Variants in CDH13 observed in about 807,000 individuals in gnomAD.
The protein encoded by CDH13 is cadherin-13.
Under a neutral mutation model 63.8 loss-of-function variants are expected in CDH13, and 24 were observed. The observed-to-expected ratio is 0.38, with a 90% CI of 0.27 to 0.53. The LOEUF (loss-of-function observed/expected upper bound fraction) is 0.53. Ranked by LOEUF, CDH13 falls within the 20% of genes least tolerant of loss-of-function variation. CDH13 has a pLI of 0.85. For synonymous variants in CDH13, 503 were observed against 355.3 expected (o/e 1.42, Z -4.67); for missense variants, 1,049 against 903.1 (o/e 1.16, Z -2.07).
At chr16:83,028,119 G>C (rs1386892101) in intron 2 of CDH13, among the ~76,000 whole-genome samples, 2 of 152,110 alleles carry the variant, frequency 1.3e-5, no homozygotes, top group Non-Finnish European at 2.9e-5. Context: ...GATCCTGTTC[G>C]AGGGTTAAGT....
intron 2 of CDH13, among the ~76,000 whole-genome samples, chr16:83,024,933 GC>G (rs1915662243): frequency 6.6e-6 from 1 of 152,154 alleles, no homozygotes; most frequent in South Asian, 2.1e-4. Context: ...AGAATCATCA[GC>G]CCCACCCCTT....
At chr16:82,794,494 C>T (rs2036484208) in intron 1 of CDH13, among the ~76,000 whole-genome samples, 1 of 151,266 alleles carries the variant, frequency 6.6e-6, no homozygotes, top group Non-Finnish European at 1.5e-5. Flanking sequence ...CCTTCAGAGA[C>T]CAACGGCTAG....
At chr16:83,500,423 C>T (rs376392901) in intron 7 of CDH13, among the ~76,000 whole-genome samples, 1 of 15,134 alleles carries the variant, frequency 6.6e-5, no homozygotes, top group Non-Finnish European at 1.3e-4. Context: ...CTTCTCCTCC[C>T]CCTCCTCCTC....
intron 1 of CDH13, among the ~76,000 whole-genome samples, chr16:82,660,113 G>A (rs757724273): frequency 5.3e-5 from 8 of 152,176 alleles, no homozygotes; most frequent in Non-Finnish European, 8.8e-5. Flanking sequence ...CATTTATTCT[G>A]TGGTTTGGCT....
At chr16:82,944,669 C>A (rs1056720824) in intron 2 of CDH13, among the ~76,000 whole-genome samples, 2 of 152,130 alleles carry the variant, frequency 1.3e-5, no homozygotes, top group Non-Finnish European at 2.9e-5. Context: ...TCAGCAGTAC[C>A]ACTGTTGAGA....
chr16:82,797,245 G>A lies in CDH13; in HGVS notation c.46-61117G>A, dbSNP rs1015227736. On this transcript the variant is annotated intron_variant, in intron 1 of 13. Transcript: ENST00000567109. ...TTGCTGTACACTGTGTGTTACCAGTGTGATTTGCTATAACCCAGCTCTTGG... is the reference window on the plus strand; with the variant it reads ...TTGCTGTACACTGTGTGTTACCAGTATGATTTGCTATAACCCAGCTCTTGG... Among the ~76,000 whole-genome samples, 7 of 152,164 alleles carry A rather than the reference G, an allele frequency of 4.6e-5. No individual in the cohort carries two copies. The East Asian group carries it at 1.2e-3, about 25-fold the overall frequency.
intron 2 of CDH13, among the ~76,000 whole-genome samples, chr16:82,919,364 C>G (rs2042087362): frequency 6.6e-6 from 1 of 152,132 alleles, no homozygotes; most frequent in African/African-American, 2.4e-5. Flanking sequence ...CTCCTCCCAC[C>G]CTCCACCCTC....
At chr16:83,157,805 C>G (rs995494804) in intron 4 of CDH13, among the ~76,000 whole-genome samples, 11 of 149,832 alleles carry the variant, frequency 7.3e-5, no homozygotes, top group Admixed American at 7.3e-4. Context: ...CCCAGCAACT[C>G]GGGAGGCAGA....
chr16:82,892,639 G>A (rs2216739), intron 2 of CDH13, among the ~76,000 whole-genome samples: 118,324 of 152,172 alleles, frequency 0.78, 46,168 homozygotes, highest in East Asian at 0.87. Context: ...ATGGATCTAA[G>A]AAGTATAACA....
At chr16:82,962,682 AC>A (rs1907201664) in intron 2 of CDH13, among the ~76,000 whole-genome samples, 1 of 152,200 alleles carries the variant, frequency 6.6e-6, no homozygotes, top group African/African-American at 2.4e-5. Flanking sequence ...GCCAAGCAAC[AC>A]ATCCAGTGAT....
At chr16:83,598,556 T>C (rs1907485114) in intron 7 of CDH13, among the ~76,000 whole-genome samples, 1 of 152,198 alleles carries the variant, frequency 6.6e-6, no homozygotes, top group Non-Finnish European at 1.5e-5. Context: ...AATCAGAGAA[T>C]TGATCATAGT....
chr16:83,676,681 G>C (rs1914982374), intron 9 of CDH13, among the ~76,000 whole-genome samples: 1 of 152,180 alleles, frequency 6.6e-6, no homozygotes, highest in East Asian at 1.9e-4. Context: ...TCCTATTACT[G>C]ACCCTGCTGG....
intron 1 of CDH13, among the ~76,000 whole-genome samples, chr16:82,834,373 C>T (rs2038674675): frequency 6.6e-6 from 1 of 152,114 alleles, no homozygotes; most frequent in Non-Finnish European, 1.5e-5. Context: ...CATTTCTTTC[C>T]TTTATCTGTC....
intron 4 of CDH13, among the ~76,000 whole-genome samples, chr16:83,164,407 A>T (rs895926783): frequency 1.2e-4 from 18 of 152,054 alleles, no homozygotes; most frequent in African/African-American, 4.3e-4. Flanking sequence ...TGACTCTTGA[A>T]GGAAGCATCA....
Position 83,796,325 on chromosome 16 carries a change from G to T in CDH13, c.*1295G>T, listed in dbSNP as rs1326556784. 1 of 152,204 alleles carries T rather than the reference G, an allele frequency of 6.6e-6. No homozygotes were observed. The highest frequency in any genetic ancestry group is 2.4e-5 in the African/African-American group (1 of 41,452). 9.4% of individuals were successfully genotyped at this position (152,204 alleles called of 1,614,324 possible). A position where few individuals can be genotyped will look rare whatever the true frequency, so the allele number is the denominator to read the frequency against. On this transcript the variant is annotated 3_prime_UTR_variant, in exon 14 of 14. Coordinates refer to ENST00000567109, the MANE Select transcript of CDH13 (RefSeq NM_001257.5). The stretch of plus-strand genomic sequence containing the variant: ...AGAGCTCGCCACGAACTAGGGTAAG[G>T]TGAGTGTCTTAGCATATTTTAATGC...
intron 1 of CDH13, among the ~76,000 whole-genome samples, chr16:82,796,456 A>G (rs11644583): frequency 0.21 from 31,724 of 152,178 alleles, 4,039 homozygotes; most frequent in South Asian, 0.37. Flanking sequence ...CATGCACTCT[A>G]GGAGCTGTGA....
At chr16:82,794,848 C>G (rs192633849) in intron 1 of CDH13, among the ~76,000 whole-genome samples, 31 of 152,296 alleles carry the variant, frequency 2.0e-4, no homozygotes, top group Admixed American at 2.0e-3. Context: ...CTGAATTCCT[C>G]TCACAGAACA....
chr16:83,256,567 C>T (rs924215039), intron 5 of CDH13, among the ~76,000 whole-genome samples: 2 of 151,368 alleles, frequency 1.3e-5, no homozygotes, highest in Non-Finnish European at 2.9e-5. Flanking sequence ...CACGGTGGCT[C>T]ACGCCTGTAA....
chr16:83,776,898 A>G (rs975059051), intron 11 of CDH13, among the ~76,000 whole-genome samples: 6 of 152,186 alleles, frequency 3.9e-5, no homozygotes, highest in Non-Finnish European at 8.8e-5. Context: ...AGAAGTTTCA[A>G]AGCCATCTAT....
Sources: allele counts gnomAD v4.1 joint callset (sites outside exome capture counted in the v4.1 genomes callset), GRCh38; gene constraint gnomAD v4.1.1; transcripts MANE v1.5; gene names NCBI Gene and HGNC (gene_info 2026-07-23, HGNC 2026-07-21).